Variants in MYL3 observed in about 807,000 individuals in gnomAD.
The protein encoded by MYL3 is CMLC1.
In MYL3, 11 loss-of-function variants were observed where a neutral mutation model predicts 21.3. The observed-to-expected ratio is 0.52, with a 90% CI of 0.32 to 0.85. The LOEUF is 0.85. MYL3 is among the 40% of genes least tolerant of loss of function. The probability of loss-of-function intolerance (pLI) is 0.03; values close to 1 mark genes in which losing one functional copy is unlikely to be tolerated. For missense variants in MYL3, 206 were observed against 253.3 expected (o/e 0.81, Z 1.27); for synonymous variants, 88 against 91.6 (o/e 0.96, Z 0.22).
rs2030083584 is a variant in MYL3, at chr3:46,874,586, C to G, written c.-218+7488G>C. 6.6e-6 allele frequency among the ~76,000 whole-genome samples: 1 copy of G among 152,184 alleles called. No individual in the cohort carries two copies. The highest frequency in any genetic ancestry group is 1.5e-5 in the Non-Finnish European group (1 of 68,036). On this transcript the variant is annotated intron_variant, in intron 1 of 3. Transcript: ENST00000431168. The surrounding 1 kb of genome is among the most constrained non-coding windows in gnomAD (Gnocchi z 4.1). ...GGCCTCTGGAACGCGTGCCCGGGACCTCGGTGATATTTTGAGTTTAAGAAA... is the reference window on the plus strand; with the variant it reads ...GGCCTCTGGAACGCGTGCCCGGGACGTCGGTGATATTTTGAGTTTAAGAAA...
At chr3:46,870,556 A>G (rs1158817812) in intron 1 of MYL3, among the ~76,000 whole-genome samples, 1 of 151,626 alleles carries the variant, frequency 6.6e-6, no homozygotes, top group African/African-American at 2.4e-5. Context: ...GCCATACAAA[A>G]ATCCTCTGTG....
chr3:46,864,406 A>G (rs1234508455), upstream of MYL3, among the ~76,000 whole-genome samples: 1 of 151,982 alleles, frequency 6.6e-6, no homozygotes, highest in Non-Finnish European at 1.5e-5. The surrounding 1 kb of genome is among the most constrained non-coding windows in gnomAD (Gnocchi z 4.7). Context: ...CTGCTGGCCC[A>G]GGGACCAGTT....
intron 1 of MYL3, among the ~76,000 whole-genome samples, chr3:46,862,332 CG>C (rs1702000860): frequency 6.6e-6 from 1 of 152,202 alleles, no homozygotes; most frequent in Admixed American, 6.5e-5. Flanking sequence ...GAGGAAACCA[CG>C]CCTCAGAGCA....
chr3:46,873,741 A>G (rs1401809044), intron 1 of MYL3, among the ~76,000 whole-genome samples: 5 of 152,164 alleles, frequency 3.3e-5, no homozygotes, highest in Non-Finnish European at 7.4e-5. Flanking sequence ...AGCTCAGGAA[A>G]GGAGTGCAGT....
chr3:46,864,596 A>G (rs374114445), upstream of MYL3, among the ~76,000 whole-genome samples: 14 of 152,134 alleles, frequency 9.2e-5, no homozygotes, highest in African/African-American at 2.9e-4. This position sits in a 1 kb window ranked among gnomAD's most constrained non-coding sequence, Gnocchi z 4.7. Flanking sequence ...GCTCTCTCCA[A>G]TGCTATTCCA....
rs1181682219 is a variant in MYL3, at chr3:46,861,802, C to T, written c.130-815G>A. 6.6e-6 allele frequency among the ~76,000 whole-genome samples: 1 copy of T among 152,146 alleles called. No homozygotes were observed. The highest frequency in any genetic ancestry group is 1.5e-5 in the Non-Finnish European group (1 of 68,000). On this transcript the variant is annotated intron_variant, in intron 1 of 6. Transcript: ENST00000292327. The surrounding 1 kb of genome is among the most constrained non-coding windows in gnomAD (Gnocchi z 4.2). ...CACTCGCCCCAAGGTCAAGGTCACA[C>T]AAGGGAAAGGAGGTTGGGGGAGGGG... is the stretch of plus-strand genomic sequence containing the variant.
chr3:46,878,710 G>T (rs1466731051), intron 1 of MYL3, among the ~76,000 whole-genome samples: 1 of 152,208 alleles, frequency 6.6e-6, no homozygotes, highest in South Asian at 2.1e-4. Context: ...CTGGCCCCAG[G>T]GTCTGTGTAC....
rs761891361 is a variant in MYL3, at chr3:46,860,742, G to A, written c.241C>T (p.Arg81Trp). 17 of 1,613,982 alleles carry A rather than the reference G, an allele frequency of 1.1e-5. No individual in the cohort carries two copies. Among genetic ancestry groups the A allele is most frequent in the Admixed American group, 5.0e-5 (3 of 59,994 alleles). ...TGTGTGGGGTTCTGGCCCAGCGCCC[G>A]CAGGACATCCCCACACTGCCCGTAG... ...ITYGQCGDVL[R>W]ALGQNPTQAE... The change falls in exon 3 of 7, where the codon CGG (arginine) becomes TGG (tryptophan). Residue 81 changes from arginine to tryptophan, a missense_variant. Arg to Trp is a moderately radical substitution (Grantham distance 101, BLOSUM62 -3). Coordinates refer to ENST00000292327, the MANE Select transcript of MYL3 (RefSeq NM_000258.3). The surrounding 1 kb of genome is among the most constrained non-coding windows in gnomAD (Gnocchi z 4.6).
chr3:46,866,052 C>T (rs1174912844), upstream of MYL3, among the ~76,000 whole-genome samples: 2 of 147,536 alleles, frequency 1.4e-5, no homozygotes, highest in South Asian at 2.1e-4. Flanking sequence ...CCAGGCACAC[C>T]GAGACCAGGA....
rs567438968 is a variant in MYL3 at position 46,874,580 on chromosome 3, C to A, written c.-218+7494G>T. On this transcript the variant is annotated intron_variant, in intron 1 of 3. Transcript: ENST00000431168. The surrounding 1 kb of genome is among the most constrained non-coding windows in gnomAD (Gnocchi z 4.1). Reference sequence around the variant, plus strand: ...CCAGCCGGCCTCTGGAACGCGTGCCCGGGACCTCGGTGATATTTTGAGTTT... The same window carrying A: ...CCAGCCGGCCTCTGGAACGCGTGCCAGGGACCTCGGTGATATTTTGAGTTT... 6.6e-6 allele frequency among the ~76,000 whole-genome samples: 1 copy of A among 152,148 alleles called. No homozygotes were observed. Among genetic ancestry groups the A allele is most frequent in the African/African-American group, 2.4e-5 (1 of 41,424 alleles).
At chr3:46,877,070 G>T (rs2030261159) in intron 1 of MYL3, among the ~76,000 whole-genome samples, 1 of 152,144 alleles carries the variant, frequency 6.6e-6, no homozygotes, top group African/African-American at 2.4e-5. Flanking sequence ...GGAAGGGCCT[G>T]GGAGGCAGAT....
chr3:46,879,470 C>T lies in MYL3; in HGVS notation c.-218+2604G>A, dbSNP rs1335728580. 2.6e-5 allele frequency among the ~76,000 whole-genome samples: 4 copies of T among 152,176 alleles called. No individual in the cohort carries two copies. Among genetic ancestry groups the T allele is most frequent in the African/African-American group, 9.7e-5 (4 of 41,432 alleles). ...TAGAAACAGAGGCATAGGCCAGGTG[C>T]GGTGGTTCATGCCTGTAATCCCAGC... On this transcript the variant is annotated intron_variant, in intron 1 of 3. Coordinates refer to the MYL3 transcript ENST00000431168. This position sits in a 1 kb window ranked among gnomAD's most constrained non-coding sequence, Gnocchi z 4.7.
At chr3:46,881,715 G>A (rs2030579760) in intron 1 of MYL3, among the ~76,000 whole-genome samples, 1 of 151,874 alleles carries the variant, frequency 6.6e-6, no homozygotes, top group African/African-American at 2.4e-5. Context: ...GGGACGAGGC[G>A]AGGGTGGGGC....
chr3:46,877,179 G>C (rs895763920), intron 1 of MYL3, among the ~76,000 whole-genome samples: 2 of 152,048 alleles, frequency 1.3e-5, no homozygotes, highest in Non-Finnish European at 2.9e-5. Flanking sequence ...GTCAGGACAC[G>C]GGCTGGAGTG....
At chr3:46,863,589 C>A, upstream of MYL3, 1 of 585,490 alleles carries the variant, frequency 1.7e-6, no homozygotes, top group Non-Finnish European at 3.0e-6. Flanking sequence ...GGGCATTGTT[C>A]AGGCTCAGGA....
intron 1 of MYL3, among the ~76,000 whole-genome samples, chr3:46,870,565 T>C (rs111845901): frequency 4.6e-4 from 70 of 152,026 alleles, no homozygotes; most frequent in African/African-American, 1.6e-3. Context: ...AAATCCTCTG[T>C]GGCCCAGGGT....
At chr3:46,868,151 T>C (rs549955997), upstream of MYL3, among the ~76,000 whole-genome samples, 1 of 152,118 alleles carries the variant, frequency 6.6e-6, no homozygotes, top group South Asian at 2.1e-4. Context: ...GGGGCCCACC[T>C]CCCAGAGGCA....
intron 1 of MYL3, among the ~76,000 whole-genome samples, chr3:46,873,366 G>T (rs2030011593): frequency 6.6e-6 from 1 of 152,252 alleles, no homozygotes; most frequent in Admixed American, 6.5e-5. Flanking sequence ...GCATCTCCCA[G>T]CTGAGCCCAA....
chr3:46,878,145 G>A (rs1029685609), intron 1 of MYL3, among the ~76,000 whole-genome samples: 9 of 152,228 alleles, frequency 5.9e-5, no homozygotes, highest in African/African-American at 2.2e-4. Flanking sequence ...TTCCTGAGAG[G>A]CAAGAAAGCC....
Sources: gnomAD v4.1 joint callset for allele counts (sites outside exome capture counted in the v4.1 genomes callset) on GRCh38, gnomAD v4.1.1 for gene constraint, Gnocchi (gnomAD v3.1) non-coding constraint, MANE v1.5 for transcripts, NCBI Gene and HGNC (gene_info 2026-07-23, HGNC 2026-07-21) for gene names.